The following TMEM132C variants were observed in gnomAD, a reference collection of about 807,000 sequenced individuals.
The protein encoded by TMEM132C is protein phosphatase 1, regulatory subunit 152.
Under a neutral mutation model 61.4 loss-of-function variants are expected in TMEM132C, and 29 were observed. The observed-to-expected ratio is 0.47, with a 90% CI of 0.35 to 0.64. The LOEUF (loss-of-function observed/expected upper bound fraction) is 0.64. TMEM132C is among the 30% of genes least tolerant of loss of function. The probability of loss-of-function intolerance (pLI) is 0.00; values close to 1 mark genes in which losing one functional copy is unlikely to be tolerated. For missense variants in TMEM132C, 1,408 were observed against 1,476.9 expected, an observed-to-expected ratio of 0.95 and a Z score of 0.76; for synonymous variants, 656 against 633.1, an observed-to-expected ratio of 1.04 and a Z score of -0.54.
chr12:128,610,421 A>G (rs372733643), intron 3 of TMEM132C, among the ~76,000 whole-genome samples: 21 of 152,204 alleles, frequency 1.4e-4, no homozygotes, highest in African/African-American at 4.6e-4. Context: ...GGTTTGGTAA[A>G]TTAGGTTTCC....
chr12:128,620,382 C>T (rs1232532298), intron 4 of TMEM132C, among the ~76,000 whole-genome samples: 4 of 152,136 alleles, frequency 2.6e-5, no homozygotes, highest in East Asian at 1.9e-4. Flanking sequence ...TCTAGTGGAG[C>T]GACAGACAGC....
intron 4 of TMEM132C, among the ~76,000 whole-genome samples, chr12:128,637,299 G>C (rs1307236210): frequency 6.6e-6 from 1 of 152,180 alleles, no homozygotes; most frequent in African/African-American, 2.4e-5. Flanking sequence ...AGCTCCTTAA[G>C]TCATCCCGAA....
At chr12:128,490,811 G>T (rs140224940) in intron 2 of TMEM132C, among the ~76,000 whole-genome samples, 1 of 152,142 alleles carries the variant, frequency 6.6e-6, no homozygotes, top group African/African-American at 2.4e-5. Context: ...CATTGGTTTC[G>T]TAAAGAGAAT....
intron 3 of TMEM132C, among the ~76,000 whole-genome samples, chr12:128,613,855 C>T (rs1329251587): frequency 2.0e-5 from 3 of 152,254 alleles, no homozygotes; most frequent in Non-Finnish European, 4.4e-5. Flanking sequence ...AAGTGTTTCA[C>T]TGCTACTCTT....
chr12:128,549,937 C>T (rs995489454), intron 3 of TMEM132C, among the ~76,000 whole-genome samples: 7 of 152,102 alleles, frequency 4.6e-5, no homozygotes, highest in Non-Finnish European at 8.8e-5. Context: ...AGGTCTGCCT[C>T]GGAGGACAAG....
intron 1 of TMEM132C, among the ~76,000 whole-genome samples, chr12:128,375,122 A>G (rs1874154671): frequency 6.6e-6 from 1 of 151,954 alleles, no homozygotes; most frequent in African/African-American, 2.4e-5. Flanking sequence ...GCATCTCCCC[A>G]GAGTTGCCAC....
intron 3 of TMEM132C, among the ~76,000 whole-genome samples, chr12:128,610,067 G>A (rs1876579323): frequency 6.6e-6 from 1 of 152,232 alleles, no homozygotes; most frequent in African/African-American, 2.4e-5. Context: ...AGAGATCCCA[G>A]AAAGCCCTCA....
At chr12:128,383,226 A>G (rs1249118228) in intron 1 of TMEM132C, among the ~76,000 whole-genome samples, 1 of 152,080 alleles carries the variant, frequency 6.6e-6, no homozygotes, top group Non-Finnish European at 1.5e-5. Context: ...GCATATACAC[A>G]TGTCTGTGTA....
chr12:128,575,960 CCCTG>C (rs1222967550), intron 3 of TMEM132C, among the ~76,000 whole-genome samples: 1 of 152,090 alleles, frequency 6.6e-6, no homozygotes, highest in Non-Finnish European at 1.5e-5. Flanking sequence ...TCATGAATGT[CCCTG>C]TGGTACAATT....
intron 8 of TMEM132C, among the ~76,000 whole-genome samples, chr12:128,703,478 T>C (rs912283091): frequency 1.3e-5 from 2 of 152,214 alleles, no homozygotes; most frequent in Admixed American, 1.3e-4. Context: ...GATGGGATCT[T>C]GTTCTTTTTA....
chr12:128,491,186 T>C (rs1436599037), intron 2 of TMEM132C, among the ~76,000 whole-genome samples: 1 of 152,124 alleles, frequency 6.6e-6, no homozygotes. Context: ...TGCAGGGACA[T>C]TTGTTATCAT....
At chr12:128,499,219 A>G (rs183616858) in intron 2 of TMEM132C, among the ~76,000 whole-genome samples, 80 of 152,316 alleles carry the variant, frequency 5.3e-4, no homozygotes, top group African/African-American at 1.9e-3. Context: ...CCAGAAATAA[A>G]CACCAAGTAA....
chr12:128,583,342 G>A (rs1251868818), intron 3 of TMEM132C, among the ~76,000 whole-genome samples: 1 of 149,288 alleles, frequency 6.7e-6, no homozygotes, highest in Non-Finnish European at 1.5e-5. Flanking sequence ...GCACTGGGGG[G>A]AATTATTTCA....
At chr12:128,298,530 G>A (rs576108827) in intron 1 of TMEM132C, among the ~76,000 whole-genome samples, 7 of 152,204 alleles carry the variant, frequency 4.6e-5, no homozygotes, top group South Asian at 2.1e-4. Flanking sequence ...ACTACGGTAC[G>A]TACGACTCAC....
intron 3 of TMEM132C, among the ~76,000 whole-genome samples, chr12:128,598,860 G>A (rs994694639): frequency 6.5e-5 from 2 of 30,726 alleles, no homozygotes; most frequent in East Asian, 6.9e-4. Flanking sequence ...CTGGGGTGGG[G>A]TTTGGGGTGG....
chr12:128,267,637 C>G lies in TMEM132C; in HGVS notation c.85+150C>G, dbSNP rs565956766. The G allele has an allele frequency of 1.2e-4, 75 of 638,854 alleles. No homozygotes were observed. The African/African-American group carries it at 1.3e-3, about 11-fold the overall frequency. The allele number at this position is 638,854 out of a possible 1,614,324, so 39.6% of individuals were successfully genotyped here. On this transcript the variant is annotated intron_variant, in intron 1 of 8. Transcript: ENST00000435159. ...CAACAGCGCCTCTGCGGGTGCCGAG[C>G]CGCCCCTAATCCAGAAGGGCGCTCC...
At chr12:128,468,317 C>CT (rs138666259) in intron 2 of TMEM132C, among the ~76,000 whole-genome samples, 10,157 of 147,482 alleles carry the variant, frequency 0.069, 1,151 homozygotes, top group African/African-American at 0.23. Context: ...ACCAAATTTA[C>CT]TTTTTTTTTT....
chr12:128,661,703 C>T (rs1954392516), intron 4 of TMEM132C, among the ~76,000 whole-genome samples: 1 of 152,146 alleles, frequency 6.6e-6, no homozygotes, highest in African/African-American at 2.4e-5. Context: ...GGAATTTAGT[C>T]AGTTTTGAGA....
chr12:128,415,773 C>G lies in TMEM132C; in HGVS notation c.974+153C>G, dbSNP rs889938662. Reference sequence around the variant, plus strand: ...GGGGAAGGCAAATTATGCACCTGCCCACATGCTCTCAACAGCCCTCCTTAC... The same window carrying G: ...GGGGAAGGCAAATTATGCACCTGCCGACATGCTCTCAACAGCCCTCCTTAC... On this transcript the variant is annotated intron_variant, in intron 2 of 8. Coordinates refer to ENST00000435159, the MANE Select transcript of TMEM132C (RefSeq NM_001136103.3). This position sits in a 1 kb window ranked among gnomAD's most constrained non-coding sequence, Gnocchi z 5.8. 2.1e-4 allele frequency among the ~76,000 whole-genome samples: 32 copies of G among 152,106 alleles called. No individual in the cohort carries two copies. Among genetic ancestry groups the G allele is most frequent in the Non-Finnish European group, 4.4e-5 (3 of 68,032 alleles).
Sources: allele counts gnomAD v4.1 joint callset (sites outside exome capture counted in the v4.1 genomes callset), GRCh38; gene constraint gnomAD v4.1.1; non-coding constraint Gnocchi (gnomAD v3.1); transcripts MANE v1.5; gene names NCBI Gene and HGNC (gene_info 2026-07-23, HGNC 2026-07-21).